The following DOCK1 variants were observed in gnomAD, a reference collection of about 807,000 sequenced individuals.
DOCK1 encodes the protein dedicator of cytokinesis protein 1.
DOCK1 carries 138 observed loss-of-function variants against 262.7 expected under a neutral mutation model. The observed-to-expected ratio is 0.53, with a 90% CI of 0.46 to 0.61. The LOEUF is 0.61. Among genes scored for constraint, DOCK1 ranks in the 20% least tolerant of loss-of-function variants. The pLI is 0.00. For synonymous variants in DOCK1, 866 were observed against 867.4 expected (o/e 1.00, Z 0.03); for missense variants, 1,908 against 2,370.7 (o/e 0.80, Z 4.05).
intron 27 of DOCK1, among the ~76,000 whole-genome samples, chr10:127,228,237 A>G (rs745932068): frequency 1.5e-4 from 23 of 152,116 alleles, no homozygotes; most frequent in Admixed American, 2.6e-4. Context: ...TGGTAGAGTG[A>G]GAAGGGTTAA....
intron 27 of DOCK1, among the ~76,000 whole-genome samples, chr10:127,227,436 C>T (rs2134511416): frequency 6.6e-6 from 1 of 152,320 alleles, no homozygotes; most frequent in South Asian, 2.1e-4. Flanking sequence ...GAGCACCCAT[C>T]TGGCCTGGCA....
chr10:127,056,967 C>G (rs1324184598), intron 22 of DOCK1, among the ~76,000 whole-genome samples: 1 of 152,158 alleles, frequency 6.6e-6, no homozygotes, highest in Non-Finnish European at 1.5e-5. Flanking sequence ...TCTGTCCTCC[C>G]CATCCCACCC....
At chr10:126,961,572 C>T (rs2037223155) in intron 1 of DOCK1, among the ~76,000 whole-genome samples, 1 of 152,196 alleles carries the variant, frequency 6.6e-6, no homozygotes, top group Non-Finnish European at 1.5e-5. Flanking sequence ...AGAGGAACCT[C>T]ATGTAAGTGG....
chr10:126,963,636 TTCCC>T (rs1342481387), intron 1 of DOCK1, among the ~76,000 whole-genome samples: 4,885 of 77,190 alleles, frequency 0.063, 407 homozygotes, highest in African/African-American at 0.15. Flanking sequence ...TTCCCTTCCC[TTCCC>T]TCCTTCCTTC....
chr10:127,222,320 C>T (rs1423568349), intron 27 of DOCK1, among the ~76,000 whole-genome samples: 1 of 152,216 alleles, frequency 6.6e-6, no homozygotes, highest in Non-Finnish European at 1.5e-5. Context: ...TTTTCTTCCT[C>T]AGTCTCTTCA....
intron 9 of DOCK1, among the ~76,000 whole-genome samples, chr10:126,999,760 T>C (rs1159445346): frequency 6.6e-6 from 1 of 152,228 alleles, no homozygotes; most frequent in Non-Finnish European, 1.5e-5. Context: ...CACTGCAACC[T>C]ACGCCTCCTG....
At chr10:127,039,838 T>C (rs149935402) in intron 19 of DOCK1, among the ~76,000 whole-genome samples, 34 of 152,314 alleles carry the variant, frequency 2.2e-4, no homozygotes, top group Middle Eastern at 3.4e-3. Flanking sequence ...GGTATTTGTG[T>C]ATTTAGCAAA....
chr10:127,030,165 G>A lies in DOCK1; in HGVS notation c.1625-1485G>A, dbSNP rs569871095. Among the ~76,000 whole-genome samples, 63 of 152,258 alleles carry A rather than the reference G, an allele frequency of 4.1e-4. 1 individual carries two copies. The South Asian group carries it at 0.013, about 31-fold the overall frequency. ...ATATTTTGAGCCGTGGACTCAAGGC[G>A]GGTGGATGTGTCATTCTCCCTCTCT... On this transcript the variant is annotated intron_variant, in intron 16 of 51. Transcript: ENST00000623213.
chr10:127,410,940 A>G lies in DOCK1; in HGVS notation c.4428+16A>G. 1 of 1,610,058 alleles carries G rather than the reference A, an allele frequency of 6.2e-7. No individual in the cohort carries two copies. The highest frequency in any genetic ancestry group is 8.5e-7 in the Non-Finnish European group (1 of 1,178,130). On this transcript the variant is annotated intron_variant, in intron 43 of 51. Transcript: ENST00000623213. Reference sequence around the variant, plus strand: ...TGAATTTGCGGTAAAAAACAAACAAACCACCAAACCAAACAACAAAAAATA... The same window carrying G: ...TGAATTTGCGGTAAAAAACAAACAAGCCACCAAACCAAACAACAAAAAATA...
At chr10:127,180,010 CAG>C (rs1446055195) in intron 27 of DOCK1, among the ~76,000 whole-genome samples, 3 of 152,180 alleles carry the variant, frequency 2.0e-5, no homozygotes, top group Admixed American at 6.6e-5. Flanking sequence ...GCAACTTGCT[CAG>C]AGTGAGGAGG....
chr10:127,315,528 T>C (rs551822518), intron 29 of DOCK1, among the ~76,000 whole-genome samples: 10 of 152,152 alleles, frequency 6.6e-5, no homozygotes, highest in Non-Finnish European at 1.0e-4. Context: ...TCTCACACCT[T>C]GATCTTGAAC....
At chr10:127,172,549 A>C (rs914961051) in intron 27 of DOCK1, among the ~76,000 whole-genome samples, 3 of 152,036 alleles carry the variant, frequency 2.0e-5, no homozygotes, top group African/African-American at 7.3e-5. Flanking sequence ...CAGCCAAATT[A>C]ATGACCCTGG....
intron 27 of DOCK1, among the ~76,000 whole-genome samples, chr10:127,192,928 T>A (rs2056855325): frequency 2.0e-5 from 3 of 152,194 alleles, no homozygotes; most frequent in Admixed American, 2.0e-4. Flanking sequence ...TGATTAAAAG[T>A]CATGAAGTTT....
rs79495761 is a variant in DOCK1 at position 127,318,537 on chromosome 10, A to G, written c.3045-20469A>G. Among the ~76,000 whole-genome samples the G allele has an allele frequency of 4.4e-3, 666 of 152,324 alleles. 21 individuals are homozygous for G. In the East Asian group the frequency reaches 0.087, roughly 20 times the overall value. ...GGGGGCCCAGCACTGGGTTCATCCT[A>G]CAAGCATGTGTCCGGGCCTCAAGGC... On this transcript the variant is annotated intron_variant, in intron 29 of 51. Transcript: ENST00000623213.
chr10:127,382,733 AC>A (rs1252139744), intron 37 of DOCK1, among the ~76,000 whole-genome samples: 2 of 152,196 alleles, frequency 1.3e-5, no homozygotes, highest in African/African-American at 4.8e-5. Context: ...GGGTTGACAA[AC>A]TGCTCACTCA....
chr10:127,080,287 T>A (rs1359665117), intron 23 of DOCK1, among the ~76,000 whole-genome samples: 1 of 152,116 alleles, frequency 6.6e-6, no homozygotes, highest in Non-Finnish European at 1.5e-5. Context: ...CATTCTGAGT[T>A]CTTGCCAATA....
chr10:127,220,199 A>T (rs1350390630), intron 27 of DOCK1, among the ~76,000 whole-genome samples: 1 of 151,696 alleles, frequency 6.6e-6, no homozygotes. Context: ...GTCTCAGTTG[A>T]TGTGATATTT....
intron 29 of DOCK1, among the ~76,000 whole-genome samples, chr10:127,291,166 C>T (rs570423463): frequency 6.6e-6 from 1 of 152,276 alleles, no homozygotes; most frequent in South Asian, 2.1e-4. Flanking sequence ...TCACTTCAGT[C>T]AAGACTTTTG....
At chr10:126,992,105 GA>G (rs1443813279) in intron 6 of DOCK1, among the ~76,000 whole-genome samples, 1 of 152,176 alleles carries the variant, frequency 6.6e-6, no homozygotes, top group Non-Finnish European at 1.5e-5. Context: ...GTTTGGATTA[GA>G]AATGCTGTAG....
Sources: allele counts gnomAD v4.1 joint callset (sites outside exome capture counted in the v4.1 genomes callset), GRCh38; gene constraint gnomAD v4.1.1; transcripts MANE v1.5; gene names NCBI Gene and HGNC (gene_info 2026-07-23, HGNC 2026-07-21).